The following MTA3 variants were observed in gnomAD, a reference collection of about 807,000 sequenced individuals.
MTA3 encodes metastasis-associated protein MTA3.
In MTA3, 34 loss-of-function variants were observed where a neutral mutation model predicts 83.5. That is an observed-to-expected ratio of 0.41 (90% CI 0.31 to 0.54). The LOEUF is 0.54. Ranked by LOEUF, MTA3 falls within the 20% of genes least tolerant of loss-of-function variation. The pLI is 0.33. For synonymous variants in MTA3, 303 were observed against 252.7 expected (o/e 1.20, Z -1.89); for missense variants, 761 against 726.4 (o/e 1.05, Z -0.55).
intron 2 of MTA3, among the ~76,000 whole-genome samples, chr2:42,521,144 A>G (rs935702766): frequency 1.3e-5 from 2 of 152,298 alleles, no homozygotes; most frequent in Admixed American, 6.5e-5. Flanking sequence ...CACTTCCAAG[A>G]TTTGGTTACA....
At chr2:42,679,531 A>G (rs1273473696) in intron 8 of MTA3, among the ~76,000 whole-genome samples, 2 of 152,226 alleles carry the variant, frequency 1.3e-5, no homozygotes, top group Non-Finnish European at 2.9e-5. Context: ...TCTGACTGGC[A>G]CACACAGTTA....
rs1367611100 is a variant in MTA3 at position 42,527,731 on chromosome 2, A to T, written c.-141+32477A>T. Among the ~76,000 whole-genome samples, 8 of 151,902 alleles carry T rather than the reference A, an allele frequency of 5.3e-5. No homozygotes were observed. The East Asian group carries it at 1.5e-3, about 29-fold the overall frequency. On this transcript the variant is annotated intron_variant, in intron 2 of 17. Coordinates refer to the MTA3 transcript ENST00000405592. ...GAGTATCAGGCATGATGGCATTTGC[A>T]TATGTTTCAGCTACTCAAGACACTG...
intron 11 of MTA3, among the ~76,000 whole-genome samples, chr2:42,702,074 G>C (rs1235849082): frequency 6.6e-6 from 1 of 151,644 alleles, no homozygotes; most frequent in African/African-American, 2.4e-5. Flanking sequence ...AGGCAGGCGT[G>C]GTGGCAGGCA....
intron 8 of MTA3, among the ~76,000 whole-genome samples, chr2:42,669,760 G>C (rs1191990268): frequency 6.6e-6 from 1 of 152,090 alleles, no homozygotes. Flanking sequence ...TTAAATTTAA[G>C]CTTTAATGAG....
intron 2 of MTA3, among the ~76,000 whole-genome samples, chr2:42,505,054 CT>C (rs1238629004): frequency 6.6e-6 from 1 of 152,044 alleles, no homozygotes; most frequent in Non-Finnish European, 1.5e-5. Context: ...CACAAAAACA[CT>C]GTTATTATTA....
chr2:42,648,670 C>T (rs959055988), intron 6 of MTA3, among the ~76,000 whole-genome samples: 2 of 151,932 alleles, frequency 1.3e-5, no homozygotes, highest in African/African-American at 4.8e-5. Context: ...AAAGTAAAGG[C>T]GTCTTTTAGA....
At chr2:42,610,351 A>T (rs7574668) in intron 4 of MTA3, among the ~76,000 whole-genome samples, 4 of 152,000 alleles carry the variant, frequency 2.6e-5, no homozygotes, top group Non-Finnish European at 5.9e-5. Context: ...GATCACTGGG[A>T]TGAAAACTTT....
At chr2:42,556,152 A>C (rs1677382132) in intron 2 of MTA3, among the ~76,000 whole-genome samples, 1 of 151,836 alleles carries the variant, frequency 6.6e-6, no homozygotes, top group Non-Finnish European at 1.5e-5. Context: ...GGGAAAAAAA[A>C]AGCAGCCTGA....
chr2:42,607,812 G>C (rs908466874), intron 3 of MTA3, among the ~76,000 whole-genome samples: 1 of 152,148 alleles, frequency 6.6e-6, no homozygotes, highest in Non-Finnish European at 1.5e-5. Flanking sequence ...TTAGCCAGGT[G>C]TGGTGGCACA....
At chr2:42,705,949 A>T (rs1457439333) in intron 12 of MTA3, among the ~76,000 whole-genome samples, 1 of 152,190 alleles carries the variant, frequency 6.6e-6, no homozygotes. Context: ...CTACTTTCCA[A>T]TTGAATTTGA....
chr2:42,565,575 G>C (rs1468519693), upstream of MTA3, among the ~76,000 whole-genome samples: 2 of 152,168 alleles, frequency 1.3e-5, no homozygotes, highest in Non-Finnish European at 2.9e-5. Context: ...TTCATCCATG[G>C]AAGGGCTGGA....
intron 11 of MTA3, among the ~76,000 whole-genome samples, 197 bp downstream of exon 11, chr2:42,698,031 T>A (rs1423775398): frequency 6.6e-6 from 1 of 152,148 alleles, no homozygotes; most frequent in Non-Finnish European, 1.5e-5. Context: ...ACCTGAAGAC[T>A]AGAGGAAGAA....
At chr2:42,579,246 T>C in intron 3 of MTA3, 46 bp downstream of exon 3, 6 of 1,383,392 alleles carry the variant, frequency 4.3e-6, no homozygotes, top group Non-Finnish European at 6.0e-6. Flanking sequence ...AGTCTTGTGT[T>C]TTTTGTGATG....
chr2:42,588,474 A>G (rs1680593131), intron 3 of MTA3, among the ~76,000 whole-genome samples: 1 of 152,222 alleles, frequency 6.6e-6, no homozygotes, highest in African/African-American at 2.4e-5. Flanking sequence ...CATTGACAAT[A>G]AAGGATTTTT....
rs1670189354 is a variant in MTA3 at position 42,755,649 on chromosome 2, G to T, written c.*2250G>T. 1.0e-6 allele frequency: 1 copy of T among 985,556 alleles called. No individual in the cohort carries two copies. The allele number at this position is 985,556 out of a possible 1,614,324, so 61.1% of individuals were successfully genotyped here. A position where few individuals can be genotyped will look rare whatever the true frequency, so the allele number is the denominator to read the frequency against. On this transcript the variant is annotated 3_prime_UTR_variant, in exon 17 of 17. Coordinates refer to ENST00000405094, the MANE Select transcript of MTA3 (RefSeq NM_001330442.2). ...ATCCCCCAGGCAATGGAGGAAGGGTGCCGAGGCGCCTCTAGTCTGTGCCTT... is the reference window on the plus strand; with the variant it reads ...ATCCCCCAGGCAATGGAGGAAGGGTTCCGAGGCGCCTCTAGTCTGTGCCTT...
intron 8 of MTA3, among the ~76,000 whole-genome samples, chr2:42,667,473 A>G (rs535910745): frequency 5.3e-4 from 80 of 152,064 alleles, no homozygotes; most frequent in African/African-American, 1.7e-3. Flanking sequence ...GGCTCTCAGT[A>G]TCTCATAAGT....
At chr2:42,668,431 C>T (rs1000676987) in intron 8 of MTA3, among the ~76,000 whole-genome samples, 8 of 152,174 alleles carry the variant, frequency 5.3e-5, no homozygotes, top group African/African-American at 9.7e-5. Context: ...AAGACCCCTG[C>T]GACCTTCCAG....
At chr2:42,697,633 G>GC (rs1693505930) in intron 10 of MTA3, 143 bp from the exon 11 acceptor site, 2 of 587,894 alleles carry the variant, frequency 3.4e-6, no homozygotes, top group East Asian at 6.5e-5. Context: ...TGCAGTTTAA[G>GC]AATATGCATA....
intron 6 of MTA3, among the ~76,000 whole-genome samples, chr2:42,655,727 C>T (rs1180664377): frequency 6.6e-6 from 1 of 152,240 alleles, no homozygotes; most frequent in Non-Finnish European, 1.5e-5. Context: ...CTCAACCTCC[C>T]GAGTAGCTGG....
Sources: allele counts gnomAD v4.1 joint callset (sites outside exome capture counted in the v4.1 genomes callset), GRCh38; gene constraint gnomAD v4.1.1; transcripts MANE v1.5; gene names NCBI Gene and HGNC (gene_info 2026-07-23, HGNC 2026-07-21).